CNTN4: variants seen among roughly 807,000 people sequenced by gnomAD.
The protein encoded by CNTN4 is contactin-4.
In CNTN4, 77 loss-of-function variants were observed where a neutral mutation model predicts 122.5. The observed-to-expected ratio is 0.63, with a 90% CI of 0.52 to 0.76. CNTN4 has a LOEUF of 0.76. Among genes scored for constraint, CNTN4 ranks in the 30% least tolerant of loss-of-function variants. The pLI, the probability that CNTN4 is intolerant of heterozygous loss-of-function variation, is 0.00. For missense variants in CNTN4, 1,256 were observed against 1,259.1 expected (o/e 1.00, Z 0.04); for synonymous variants, 512 against 447.0 (o/e 1.15, Z -1.83).
intron 2 of CNTN4, among the ~76,000 whole-genome samples, chr3:2,253,446 T>C (rs2040451921): frequency 6.6e-6 from 1 of 152,296 alleles, no homozygotes; most frequent in South Asian, 2.1e-4. Flanking sequence ...AGAACAAATA[T>C]TCTGCCACAC....
chr3:2,161,510 ACTGGT>A (rs1392463942), intron 2 of CNTN4, among the ~76,000 whole-genome samples: 1 of 152,022 alleles, frequency 6.6e-6, no homozygotes, highest in Non-Finnish European at 1.5e-5. Flanking sequence ...CTGGTGTGTG[ACTGGT>A]GTGTCAGTGG....
chr3:2,528,689 T>C (rs1372376648), intron 3 of CNTN4, among the ~76,000 whole-genome samples: 1 of 152,174 alleles, frequency 6.6e-6, no homozygotes, highest in East Asian at 1.9e-4. Flanking sequence ...AACAAATTTT[T>C]TCAATTCTCT....
At chr3:2,932,292 G>T (rs2094527948) in intron 13 of CNTN4, among the ~76,000 whole-genome samples, 1 of 152,138 alleles carries the variant, frequency 6.6e-6, no homozygotes, top group African/African-American at 2.4e-5. Context: ...GCAGGAGAAT[G>T]GCGTGAACCC....
At chr3:2,344,122 T>A (rs1289359240) in intron 3 of CNTN4, among the ~76,000 whole-genome samples, 1 of 152,008 alleles carries the variant, frequency 6.6e-6, no homozygotes, top group Non-Finnish European at 1.5e-5. Flanking sequence ...CCACCTCCCA[T>A]CTAGGGGTCA....
chr3:2,169,956 C>A (rs2036395774), intron 2 of CNTN4, among the ~76,000 whole-genome samples: 1 of 152,062 alleles, frequency 6.6e-6, no homozygotes, highest in African/African-American at 2.4e-5. Context: ...GCTTTTAGAA[C>A]TAATGAGTTC....
intron 3 of CNTN4, among the ~76,000 whole-genome samples, chr3:2,492,997 A>G (rs570146009): frequency 2.4e-4 from 37 of 152,266 alleles, no homozygotes; most frequent in African/African-American, 8.9e-4. Context: ...AACTGTTTTT[A>G]TTGATTGAAT....
chr3:3,042,419 T>A lies in CNTN4; in HGVS notation c.2508T>A (p.Tyr836Ter), dbSNP rs1369163204. The change falls in exon 21 of 25, where the codon TAT (tyrosine) becomes TAA (stop). Residue 836 changes from tyrosine (Y) to a stop codon, truncating the protein, a stop_gained. Transcript: ENST00000418658. LOFTEE classifies it high-confidence loss of function. ...LEKNRGRIQG[Y>*]EVKYWRHEDK... is the part of the protein sequence containing the mutation. The stretch of plus-strand genomic sequence containing the variant: ...AGAATAGAGGACGAATACAAGGTTA[T>A]GAGGTAGGCAAGACATATGTGCCTT... 3 of 1,599,502 alleles carry A rather than the reference T, an allele frequency of 1.9e-6. No individual in the cohort carries two copies.
chr3:2,729,070 A>G (rs2088445306), intron 4 of CNTN4, among the ~76,000 whole-genome samples: 1 of 152,204 alleles, frequency 6.6e-6, no homozygotes, highest in Non-Finnish European at 1.5e-5. Context: ...TGAAATCATA[A>G]TATTGCATTT....
intron 3 of CNTN4, among the ~76,000 whole-genome samples, chr3:2,440,669 T>C (rs1281461101): frequency 6.6e-6 from 1 of 151,848 alleles, no homozygotes; most frequent in African/African-American, 2.4e-5. Context: ...ATTCAACAGA[T>C]GTATATATTC....
chr3:2,472,588 T>C (rs918159110), intron 3 of CNTN4, among the ~76,000 whole-genome samples: 7 of 151,996 alleles, frequency 4.6e-5, no homozygotes, highest in Admixed American at 2.6e-4. Flanking sequence ...TTGGAAATGA[T>C]AGAATGCAAT....
rs994111631 is a variant in CNTN4 at position 2,549,870 on chromosome 3, T to A, written c.-88-21546T>A. Among the ~76,000 whole-genome samples, 12 of 152,300 alleles carry A rather than the reference T, an allele frequency of 7.9e-5. 1 individual carries two copies. Among genetic ancestry groups the A allele is most frequent in the Middle Eastern group, 6.8e-3 (2 of 294 alleles). ...GGTAGGCTATTAATTACTGCTTCAATTTCAGAACTTGTTATTGGTCTACTC... is the reference window on the plus strand; with the variant it reads ...GGTAGGCTATTAATTACTGCTTCAAATTCAGAACTTGTTATTGGTCTACTC... On this transcript the variant is annotated intron_variant, in intron 3 of 24. Transcript: ENST00000418658.
At chr3:2,491,928 A>T (rs1292473599) in intron 3 of CNTN4, among the ~76,000 whole-genome samples, 1 of 152,102 alleles carries the variant, frequency 6.6e-6, no homozygotes, top group Non-Finnish European at 1.5e-5. Flanking sequence ...TTTGTTTCAT[A>T]AATCTATACT....
At chr3:2,154,326 CA>C (rs1268122758) in intron 2 of CNTN4, among the ~76,000 whole-genome samples, 1 of 150,904 alleles carries the variant, frequency 6.6e-6, no homozygotes, top group Non-Finnish European at 1.5e-5. Flanking sequence ...GTGGAGATTG[CA>C]GTGAGCCAGT....
At chr3:2,478,476 T>C (rs976749046) in intron 3 of CNTN4, among the ~76,000 whole-genome samples, 6 of 125,792 alleles carry the variant, frequency 4.8e-5, no homozygotes, top group African/African-American at 1.6e-4. Flanking sequence ...GTAGGTTTGT[T>C]ACATAGGTAA....
chr3:3,031,927 T>C (rs1265555712), intron 16 of CNTN4, among the ~76,000 whole-genome samples: 1 of 152,188 alleles, frequency 6.6e-6, no homozygotes, highest in Non-Finnish European at 1.5e-5. Flanking sequence ...GAGGCAGGGT[T>C]AATCTGCATG....
At chr3:2,669,101 C>T (rs1429457749) in intron 4 of CNTN4, among the ~76,000 whole-genome samples, 2 of 152,120 alleles carry the variant, frequency 1.3e-5, no homozygotes, top group Non-Finnish European at 2.9e-5. Flanking sequence ...TGATGCTGGC[C>T]TCATAAAACG....
At chr3:2,546,240 G>C (rs2078239894) in intron 3 of CNTN4, among the ~76,000 whole-genome samples, 1 of 151,220 alleles carries the variant, frequency 6.6e-6, no homozygotes, top group South Asian at 2.1e-4. Flanking sequence ...CAATAGCAAA[G>C]ATGTAGAATC....
intron 3 of CNTN4, among the ~76,000 whole-genome samples, chr3:2,427,199 G>T (rs888663629): frequency 6.6e-6 from 1 of 152,086 alleles, no homozygotes; most frequent in Non-Finnish European, 1.5e-5. Context: ...GCTTTCTCTT[G>T]TGGGCATTTA....
At position 2,887,097 on chromosome 3, in the gene CNTN4, C is replaced by T; in HGVS notation, c.813C>T (p.Ala271=). 2 of 1,614,106 alleles carry T rather than the reference C, an allele frequency of 1.2e-6. No individual in the cohort carries two copies. The highest frequency in any genetic ancestry group is 1.7e-6 in the Non-Finnish European group (2 of 1,180,000). The change falls in exon 10 of 25, where the codon GCC becomes GCT. Residue 271 remains alanine, a synonymous_variant. Transcript: ENST00000418658. ...ATGGAAAGCCAATAGCAAGGAAAGC[C>T]AGAAGACACAAGTCAAATGGAATTC... is the stretch of plus-strand genomic sequence containing the variant. ...RADGKPIARK[A]RRHKSNGILE... is the part of the protein sequence containing the mutation.
Sources: allele counts gnomAD v4.1 joint callset (sites outside exome capture counted in the v4.1 genomes callset), GRCh38; gene constraint gnomAD v4.1.1; transcripts MANE v1.5; gene names NCBI Gene and HGNC (gene_info 2026-07-23, HGNC 2026-07-21).